Variants in SNTG2 observed in about 807,000 individuals in gnomAD.
SNTG2 encodes the protein gamma-2-syntrophin.
Under a neutral mutation model 70.9 loss-of-function variants are expected in SNTG2, and 74 were observed. That is an observed-to-expected ratio of 1.04 (90% confidence interval 0.86 to 1.27). The LOEUF is 1.27. Among genes scored for constraint, SNTG2 ranks in the 50% most tolerant of loss-of-function variants. The pLI is 0.00. For missense variants in SNTG2, 717 were observed against 690.7 expected (o/e 1.04, Z -0.43); for synonymous variants, 278 against 273.8 (o/e 1.02, Z -0.15).
At chr2:1,324,763 C>A (rs1280323405) in intron 16 of SNTG2, among the ~76,000 whole-genome samples, 1 of 152,136 alleles carries the variant, frequency 6.6e-6, no homozygotes, top group African/African-American at 2.4e-5. Context: ...GCATAAAGTG[C>A]AGCAATAATA....
chr2:957,776 C>T (rs1284341116), intron 1 of SNTG2, among the ~76,000 whole-genome samples: 1 of 152,046 alleles, frequency 6.6e-6, no homozygotes, highest in Non-Finnish European at 1.5e-5. Context: ...CCTGCAGCCA[C>T]CAGAGCTAGA....
chr2:1,222,085 GTCTC>G lies in SNTG2; in HGVS notation c.719+12861_719+12864del, dbSNP rs1256506129. On this transcript the variant is annotated intron_variant, in intron 9 of 16. Coordinates refer to ENST00000308624, the MANE Select transcript of SNTG2 (RefSeq NM_018968.4). ...TCTGTTTCTCTCTGTCTCTGTCTCT[GTCTC>G]TCTCTGTCTCTCTCTGTCTCTCTCT... Among the ~76,000 whole-genome samples, 12 of 7,210 alleles carry G rather than the reference GTCTC, an allele frequency of 1.7e-3. 2 individuals are homozygous for G. The highest frequency in any genetic ancestry group is 5.9e-3 in the South Asian group (1 of 170). 4.7% of individuals were successfully genotyped at this position (7,210 alleles called of 152,430 possible). A position where few individuals can be genotyped will look rare whatever the true frequency, so the allele number is the denominator to read the frequency against.
chr2:1,132,241 A>G (rs1279187350), intron 4 of SNTG2, among the ~76,000 whole-genome samples: 1 of 116,240 alleles, frequency 8.6e-6, no homozygotes, highest in Non-Finnish European at 2.2e-5. Context: ...GTGTGTGTAT[A>G]TATATACACA....
chr2:955,022 T>C (rs935547547), intron 1 of SNTG2, among the ~76,000 whole-genome samples: 1 of 152,234 alleles, frequency 6.6e-6, no homozygotes, highest in Non-Finnish European at 1.5e-5. Flanking sequence ...ATGCTTCTTA[T>C]TTAGGGGATA....
At chr2:967,613 G>A (rs188342049) in intron 1 of SNTG2, among the ~76,000 whole-genome samples, 30 of 152,158 alleles carry the variant, frequency 2.0e-4, no homozygotes, top group Non-Finnish European at 2.9e-4. Context: ...GCTGTATTTT[G>A]TCAGTGGGCA....
At chr2:1,125,317 G>C (rs781031267) in intron 4 of SNTG2, among the ~76,000 whole-genome samples, 5 of 152,120 alleles carry the variant, frequency 3.3e-5, no homozygotes, top group Non-Finnish European at 7.4e-5. Context: ...TATTATCAAA[G>C]TAGAGATTTT....
At chr2:1,018,687 A>C (rs1001192631) in intron 1 of SNTG2, among the ~76,000 whole-genome samples, 1 of 152,242 alleles carries the variant, frequency 6.6e-6, no homozygotes, top group Non-Finnish European at 1.5e-5. Context: ...AAATATTCAC[A>C]GCATGAACGA....
At chr2:956,703 G>C (rs1660174044) in intron 1 of SNTG2, among the ~76,000 whole-genome samples, 1 of 152,234 alleles carries the variant, frequency 6.6e-6, no homozygotes, top group Non-Finnish European at 1.5e-5. Context: ...GACACAGCCC[G>C]GGGAACTCGG....
intron 14 of SNTG2, among the ~76,000 whole-genome samples, chr2:1,306,333 T>G (rs1353950796): frequency 6.6e-6 from 1 of 152,104 alleles, no homozygotes; most frequent in African/African-American, 2.4e-5. Flanking sequence ...CCTTCCAGCC[T>G]TTTGGGCCCC....
At chr2:1,293,986 G>A (rs1680096073) in intron 14 of SNTG2, among the ~76,000 whole-genome samples, 2 of 152,290 alleles carry the variant, frequency 1.3e-5, no homozygotes, top group African/African-American at 4.8e-5. Context: ...GCCCAACGCT[G>A]GGGTCCAAGT....
chr2:1,161,880 C>T (rs980544168), intron 6 of SNTG2, among the ~76,000 whole-genome samples: 4 of 152,032 alleles, frequency 2.6e-5, no homozygotes, highest in Non-Finnish European at 5.9e-5. Context: ...CGAGACCATC[C>T]TGGCTAACAC....
At chr2:1,005,703 C>T (rs1659541313) in intron 1 of SNTG2, among the ~76,000 whole-genome samples, 1 of 150,462 alleles carries the variant, frequency 6.6e-6, no homozygotes, top group South Asian at 2.1e-4. Context: ...ACTCAGGAGG[C>T]TGAGGCAGGG....
rs781729710 is a variant in SNTG2, at chr2:1,239,821, G to A, written c.888+45G>A. ...CTTCATGATGTAACACATCAGGTAG[G>A]GTTTGTATTTTCTGATTCATGATGT... On this transcript the variant is annotated intron_variant, in intron 11 of 16. Coordinates refer to ENST00000308624, the MANE Select transcript of SNTG2 (RefSeq NM_018968.4). 16 of 1,598,728 alleles carry A rather than the reference G, an allele frequency of 1.0e-5. No individual in the cohort carries two copies. In the African/African-American group the frequency reaches 1.9e-4, roughly 19 times the overall value.
chr2:1,300,337 G>T (rs1434818613), intron 14 of SNTG2, among the ~76,000 whole-genome samples: 1 of 152,240 alleles, frequency 6.6e-6, no homozygotes, highest in Admixed American at 6.5e-5. Context: ...GTTAGCTAAA[G>T]CGTTTTCTGC....
chr2:1,117,968 C>T (rs1436780242), intron 4 of SNTG2, among the ~76,000 whole-genome samples: 2 of 152,156 alleles, frequency 1.3e-5, no homozygotes, highest in Non-Finnish European at 2.9e-5. Flanking sequence ...TGAAGAACCC[C>T]TTATCTCCCA....
chr2:1,308,639 A>C, intron 15 of SNTG2, 53 bp downstream of exon 15: 1 of 1,431,368 alleles, frequency 7.0e-7, no homozygotes, highest in Non-Finnish European at 9.6e-7. Context: ...GCTTGGTTAC[A>C]TTCCATGGGC....
chr2:1,071,691 G>A (rs997054862), intron 1 of SNTG2, among the ~76,000 whole-genome samples: 5 of 151,954 alleles, frequency 3.3e-5, no homozygotes, highest in Non-Finnish European at 5.9e-5. Context: ...TAGTGAGGGT[G>A]TCGTGTTGAA....
At chr2:1,234,300 C>T (rs897852266) in intron 9 of SNTG2, among the ~76,000 whole-genome samples, 3 of 152,228 alleles carry the variant, frequency 2.0e-5, no homozygotes, top group African/African-American at 7.2e-5. Flanking sequence ...AACAGTGAGC[C>T]ACGCTGTGAA....
intron 14 of SNTG2, among the ~76,000 whole-genome samples, chr2:1,304,602 T>C (rs1680595587): frequency 1.3e-5 from 2 of 152,006 alleles, no homozygotes; most frequent in South Asian, 2.1e-4. Flanking sequence ...GGGGGACGCC[T>C]GTAATCCCAG....
Sources: gnomAD v4.1 joint callset for allele counts (sites outside exome capture counted in the v4.1 genomes callset) on GRCh38, gnomAD v4.1.1 for gene constraint, MANE v1.5 for transcripts, NCBI Gene and HGNC (gene_info 2026-07-23, HGNC 2026-07-21) for gene names.